MYO3B: variants seen among roughly 807,000 people sequenced by gnomAD.
The protein encoded by MYO3B is myosin IIIB, also known as myosin-IIIb.
A neutral mutation model predicts 174.6 loss-of-function variants in MYO3B; 156 were observed. That is an observed-to-expected ratio of 0.89 (90% CI 0.78 to 1.02). The LOEUF is 1.02. Ranked by LOEUF, MYO3B falls within the 50% of genes least tolerant of loss-of-function variation. MYO3B has a pLI of 0.00. For missense variants in MYO3B, 1,632 were observed against 1,639.4 expected (o/e 1.00, Z 0.08); for synonymous variants, 563 against 569.1 (o/e 0.99, Z 0.15).
intron 7 of MYO3B, among the ~76,000 whole-genome samples, chr2:170,294,251 G>C (rs1182647937): frequency 6.6e-6 from 1 of 151,546 alleles, no homozygotes; most frequent in African/African-American, 2.4e-5. Context: ...TTATCTTGCT[G>C]TTTCTCTACC....
intron 22 of MYO3B, among the ~76,000 whole-genome samples, chr2:170,421,950 A>G (rs2094618687): frequency 1.3e-5 from 2 of 152,116 alleles, no homozygotes; most frequent in Non-Finnish European, 2.9e-5. Flanking sequence ...TTCTCCATGC[A>G]GTTTCTCCTA....
At chr2:170,276,862 T>C (rs62172043) in intron 7 of MYO3B, among the ~76,000 whole-genome samples, 14 of 152,204 alleles carry the variant, frequency 9.2e-5, no homozygotes, top group Non-Finnish European at 1.6e-4. Flanking sequence ...ATGTGGATCA[T>C]CATTCTCATT....
At chr2:170,392,253 A>G in intron 15 of MYO3B, 128 bp from the exon 16 acceptor site, 1 of 557,996 alleles carries the variant, frequency 1.8e-6, no homozygotes, top group Non-Finnish European at 3.1e-6. Flanking sequence ...TGATCACACC[A>G]CTGCACTTCA....
chr2:170,627,115 G>T (rs1200670904), intron 32 of MYO3B, among the ~76,000 whole-genome samples: 1 of 152,118 alleles, frequency 6.6e-6, no homozygotes, highest in Non-Finnish European at 1.5e-5. Flanking sequence ...CTAGGTTGGG[G>T]AAGTTCTCCT....
At chr2:170,490,972 G>A (rs1686428906) in intron 25 of MYO3B, among the ~76,000 whole-genome samples, 1 of 151,928 alleles carries the variant, frequency 6.6e-6, no homozygotes, top group Non-Finnish European at 1.5e-5. Context: ...GATCTGTATG[G>A]ATAGAGGCTT....
At chr2:170,188,010 A>G (rs549023843) in intron 1 of MYO3B, among the ~76,000 whole-genome samples, 47 of 152,260 alleles carry the variant, frequency 3.1e-4, no homozygotes, top group African/African-American at 1.1e-3. Flanking sequence ...ATAAAGTCCA[A>G]TGTTTCTTTG....
intron 22 of MYO3B, among the ~76,000 whole-genome samples, chr2:170,436,207 A>T (rs1435051822): frequency 6.6e-6 from 1 of 152,212 alleles, no homozygotes; most frequent in African/African-American, 2.4e-5. Context: ...TGAGAAGCAC[A>T]GAAGGGTGTT....
chr2:170,427,041 A>G (rs953017432), intron 22 of MYO3B, among the ~76,000 whole-genome samples: 2 of 152,076 alleles, frequency 1.3e-5, no homozygotes, highest in Non-Finnish European at 2.9e-5. Context: ...AAAGAAATAG[A>G]TACTTAGTAC....
chr2:170,395,451 T>C (rs904162388), intron 16 of MYO3B, among the ~76,000 whole-genome samples: 1 of 152,196 alleles, frequency 6.6e-6, no homozygotes, highest in Non-Finnish European at 1.5e-5. Context: ...TTGGAGAGGT[T>C]AGGGAGAAGC....
intron 22 of MYO3B, among the ~76,000 whole-genome samples, chr2:170,409,910 T>A (rs924217136): frequency 2.0e-5 from 3 of 152,202 alleles, no homozygotes; most frequent in African/African-American, 7.2e-5. Context: ...ACGTTCATAG[T>A]CTATATTTTT....
intron 22 of MYO3B, among the ~76,000 whole-genome samples, chr2:170,428,242 C>A (rs572860390): frequency 4.6e-5 from 7 of 152,180 alleles, no homozygotes; most frequent in Non-Finnish European, 8.8e-5. Flanking sequence ...AATATCCAGG[C>A]CTCTGTAAAA....
intron 20 of MYO3B, among the ~76,000 whole-genome samples, chr2:170,405,082 C>CG (rs1558968883): frequency 2.0e-5 from 3 of 152,146 alleles, no homozygotes; most frequent in East Asian, 1.9e-4. Context: ...ACCACAATAG[C>CG]AAAGATCGTG....
intron 34 of MYO3B, 88 bp downstream of exon 34, chr2:170,652,242 G>A (rs1699060348): frequency 4.1e-6 from 5 of 1,222,100 alleles, no homozygotes; most frequent in Non-Finnish European, 5.9e-6. Flanking sequence ...TTCCAGAGAG[G>A]CTTCTAAAAA....
intron 6 of MYO3B, among the ~76,000 whole-genome samples, chr2:170,217,637 A>G (rs2092845298): frequency 6.6e-6 from 1 of 152,212 alleles, no homozygotes; most frequent in Admixed American, 6.5e-5. Context: ...GTGTCCCTCC[A>G]GAAGATGCAG....
chr2:170,372,118 CAA>C (rs769243145), intron 9 of MYO3B, among the ~76,000 whole-genome samples: 972 of 22,086 alleles, frequency 0.044, 11 homozygotes, highest in African/African-American at 0.12. Context: ...GACCCTGTCT[CAA>C]AAAAAAAAAA....
intron 7 of MYO3B, among the ~76,000 whole-genome samples, chr2:170,308,105 G>A (rs893039257): frequency 6.6e-6 from 1 of 152,152 alleles, no homozygotes; most frequent in African/African-American, 2.4e-5. Context: ...TGAGTCAATG[G>A]CCAGGGCAAT....
At chr2:170,180,056 A>G (rs2092378343) in intron 1 of MYO3B, 1 of 279,098 alleles carries the variant, frequency 3.6e-6, no homozygotes, top group Admixed American at 3.6e-5. Flanking sequence ...GGAAATCTTC[A>G]TCATGAATTT....
At chr2:170,214,514 G>A (rs376573879) in intron 4 of MYO3B, 31 bp downstream of exon 4, 16 of 1,593,324 alleles carry the variant, frequency 1.0e-5, no homozygotes, top group Non-Finnish European at 1.4e-5. Flanking sequence ...GGGTATGACA[G>A]CAGATGGGAT....
intron 32 of MYO3B, chr2:170,602,339 TG>T (rs1694565993): frequency 1.5e-6 from 1 of 658,968 alleles, no homozygotes; most frequent in African/African-American, 1.8e-5. Context: ...GCTGTGAGAG[TG>T]GGAGCCGGGC....
Sources: gnomAD v4.1 joint callset for allele counts (sites outside exome capture counted in the v4.1 genomes callset) on GRCh38, gnomAD v4.1.1 for gene constraint, MANE v1.5 for transcripts, NCBI Gene and HGNC (gene_info 2026-07-23, HGNC 2026-07-21) for gene names.